The following FOXA3 variants were observed in gnomAD, a reference collection of about 807,000 sequenced individuals.
FOXA3 encodes the protein forkhead box A3.
FOXA3 carries 11 observed loss-of-function variants against 16.9 expected under a neutral mutation model. The observed-to-expected ratio is 0.65, with a 90% confidence interval of 0.41 to 1.08. The LOEUF (loss-of-function observed/expected upper bound fraction) is 1.08. Ranked by LOEUF, FOXA3 falls within the 50% of genes least tolerant of loss-of-function variation. The pLI, the probability that FOXA3 is intolerant of heterozygous loss-of-function variation, is 0.00. For missense variants in FOXA3, 423 were observed against 470.1 expected, an observed-to-expected ratio of 0.90 and a Z score of 0.93; for synonymous variants, 217 against 203.3, an observed-to-expected ratio of 1.07 and a Z score of -0.57.
chr19:45,864,593 A>G, intron 1 of FOXA3, 68 bp downstream of exon 1: 1 of 1,315,844 alleles, frequency 7.6e-7, no homozygotes, highest in Non-Finnish European at 1.0e-6. Context: ...CACATGGAGC[A>G]GGGACTGGTT....
At chr19:45,866,177 C>T (rs1322623269) in intron 1 of FOXA3, among the ~76,000 whole-genome samples, 3 of 151,910 alleles carry the variant, frequency 2.0e-5, no homozygotes, top group Non-Finnish European at 2.9e-5. Flanking sequence ...TTTGGGAGGT[C>T]GAAGTGGGAG....
In FOXA3 at chr19:45,873,622, G is replaced by A. The variant is rs1170727855; in HGVS notation, c.*564G>A. On this transcript the variant is annotated 3_prime_UTR_variant, in exon 2 of 2. Coordinates refer to ENST00000302177, the MANE Select transcript of FOXA3 (RefSeq NM_004497.3). ...TCTGGCATGGGTTGGGTAGGGGATG[G>A]AGGTGAGAATACTCCTTGGTTTTCT... is the stretch of plus-strand genomic sequence containing the variant. 1 of 158,132 alleles carries A rather than the reference G, an allele frequency of 6.3e-6. No individual in the cohort carries two copies. The allele number at this position is 158,132 out of a possible 1,614,324, so 9.8% of individuals were successfully genotyped here. A position where few individuals can be genotyped will look rare whatever the true frequency, so the allele number is the denominator to read the frequency against.
chr19:45,871,896 C>T (rs1220175615), intron 1 of FOXA3, among the ~76,000 whole-genome samples, 179 bp from the exon 2 acceptor site: 1 of 151,956 alleles, frequency 6.6e-6, no homozygotes, highest in Non-Finnish European at 1.5e-5. Flanking sequence ...GCAGAAAGGG[C>T]GTGTCCAGGG....
chr19:45,871,744 AT>A (rs1379363745), intron 1 of FOXA3, among the ~76,000 whole-genome samples: 2 of 151,258 alleles, frequency 1.3e-5, no homozygotes, highest in Non-Finnish European at 3.0e-5. Context: ...GAAAAAAAAA[AT>A]AGCATTATTT....
chr19:45,870,361 G>A (rs1966893917), intron 1 of FOXA3, among the ~76,000 whole-genome samples: 1 of 150,788 alleles, frequency 6.6e-6, no homozygotes, highest in Non-Finnish European at 1.5e-5. Flanking sequence ...TTTTAGTAGA[G>A]ACAGGGTTTC....
At position 45,872,180 on chromosome 19, in the gene FOXA3, C is replaced by G. The variant is rs1966913191; in HGVS notation, c.175C>G (p.Pro59Ala). ...PYPPGGLPAS[P>A]LPSGPLAPPA... ...TCCCCCTGGGGGGCTCCCTGCCTCCCCACTGCCCTCAGGACCCCTGGCACC... is the reference window on the plus strand; with the variant it reads ...TCCCCCTGGGGGGCTCCCTGCCTCCGCACTGCCCTCAGGACCCCTGGCACC... Residue 59 changes from proline (P) to alanine (A), a missense_variant, in exon 2 of 2, where the codon CCA becomes GCA. Physicochemically the swap from Pro to Ala is conservative, Grantham distance 27 (BLOSUM62 -1). Coordinates refer to ENST00000302177, the MANE Select transcript of FOXA3 (RefSeq NM_004497.3). The surrounding 1 kb of genome is among the most constrained non-coding windows in gnomAD (Gnocchi z 4.5). The G allele has an allele frequency of 1.3e-6, 2 of 1,592,074 alleles. No homozygotes were observed. Among genetic ancestry groups the G allele is most frequent in the African/African-American group, 2.7e-5 (2 of 74,368 alleles).
chr19:45,871,560 A>G (rs1431118277), intron 1 of FOXA3, among the ~76,000 whole-genome samples: 1 of 139,998 alleles, frequency 7.1e-6, no homozygotes, highest in Non-Finnish European at 1.5e-5. Context: ...CCCTGTCTCT[A>G]CTAAAAATAC....
chr19:45,871,964 T>C (rs1164842842), intron 1 of FOXA3, 111 bp from the exon 2 acceptor site: 18 of 1,098,618 alleles, frequency 1.6e-5, no homozygotes, highest in Non-Finnish European at 2.3e-5. Context: ...ATGGAAGGGA[T>C]TTGTAGAGAA....
intron 1 of FOXA3, among the ~76,000 whole-genome samples, chr19:45,869,831 G>A (rs1972117327): frequency 6.6e-6 from 1 of 151,304 alleles, no homozygotes; most frequent in Admixed American, 6.6e-5. Context: ...TGTCGCCCAG[G>A]CTGGAGGGCA....
chr19:45,872,018 C>T lies in FOXA3; in HGVS notation c.70-57C>T. ...ACGGACACTCAGTGGGTCCTGGGAT[C>T]CTTTGCTGACCAGCAGAGTGGAGCC... On this transcript the variant is annotated intron_variant, in intron 1 of 1. Transcript: ENST00000302177. This position sits in a 1 kb window ranked among gnomAD's most constrained non-coding sequence, Gnocchi z 4.5. 1.3e-6 allele frequency: 2 copies of T among 1,559,290 alleles called. No individual in the cohort carries two copies. Among genetic ancestry groups the T allele is most frequent in the Non-Finnish European group, 1.8e-6 (2 of 1,139,118 alleles).
Position 45,873,353 on chromosome 19 carries a change from G to A in FOXA3, c.*295G>A. ...GGCCACCATCTCGGTTGGCCCTTTG[G>A]GTGTGATGGTGATAGCATTTCAGTG... On this transcript the variant is annotated 3_prime_UTR_variant, in exon 2 of 2. Transcript: ENST00000302177. The A allele has an allele frequency of 2.2e-6, 1 of 462,122 alleles. No individual in the cohort carries two copies. 28.6% of individuals were successfully genotyped at this position (462,122 alleles called of 1,614,324 possible).
rs1034582918 is a variant in FOXA3, at chr19:45,873,393, C to T, written c.*335C>T. 4 of 366,192 alleles carry T rather than the reference C, an allele frequency of 1.1e-5. No individual in the cohort carries two copies. The highest frequency in any genetic ancestry group is 8.3e-5 in the Admixed American group (2 of 24,236). 22.7% of individuals were successfully genotyped at this position (366,192 alleles called of 1,614,324 possible). ...GCATTTCAGTGACATCTTCTTTGGCCCCCCCCATTAGGTGCTGTGCCCACT... is the reference window on the plus strand; with the variant it reads ...GCATTTCAGTGACATCTTCTTTGGCTCCCCCCATTAGGTGCTGTGCCCACT... On this transcript the variant is annotated 3_prime_UTR_variant, in exon 2 of 2. Coordinates refer to ENST00000302177, the MANE Select transcript of FOXA3 (RefSeq NM_004497.3).
At position 45,872,599 on chromosome 19, in the gene FOXA3, G is replaced by A. The variant is rs746391666; in HGVS notation, c.594G>A (p.Gly198=). 2.5e-6 allele frequency: 4 copies of A among 1,614,186 alleles called. No homozygotes were observed. The highest frequency in any genetic ancestry group is 2.2e-5 in the East Asian group (1 of 44,888). Residue 198 remains glycine (G), a synonymous_variant, in exon 2 of 2, where the codon GGG becomes GGA. Coordinates refer to ENST00000302177, the MANE Select transcript of FOXA3 (RefSeq NM_004497.3). The surrounding 1 kb of genome is among the most constrained non-coding windows in gnomAD (Gnocchi z 4.5). ...ACTGGGCCCTACACCCCAGCTCAGGGAACATGTTTGAGAATGGCTGCTACC... is the reference window on the plus strand; with the variant it reads ...ACTGGGCCCTACACCCCAGCTCAGGAAACATGTTTGAGAATGGCTGCTACC... ...GSYWALHPSS[G]NMFENGCYLR... is the part of the protein sequence containing the mutation.
chr19:45,867,564 G>T (rs1972095498), intron 1 of FOXA3, among the ~76,000 whole-genome samples: 1 of 151,978 alleles, frequency 6.6e-6, no homozygotes, highest in Non-Finnish European at 1.5e-5. Context: ...TGGATCACTT[G>T]AGGTCAGGAG....
chr19:45,865,187 G>A (rs1009301985), intron 1 of FOXA3, among the ~76,000 whole-genome samples: 2 of 151,982 alleles, frequency 1.3e-5, no homozygotes, highest in Non-Finnish European at 1.5e-5. Context: ...ATTGGCAGGA[G>A]AGGGGCCGAT....
rs764381945 is a variant in FOXA3, at chr19:45,872,929, C to T, written c.924C>T (p.Asn308=). ...YNFNHPFSIN[N]LMSEQTPAPP... Reference sequence around the variant, plus strand: ...TCAACCACCCTTTCTCCATCAACAACCTAATGTCAGAACAGACACCAGCAC... The same window carrying T: ...TCAACCACCCTTTCTCCATCAACAATCTAATGTCAGAACAGACACCAGCAC... Residue 308 remains asparagine (N), a synonymous_variant, in exon 2 of 2, where the codon AAC becomes AAT. Coordinates refer to ENST00000302177, the MANE Select transcript of FOXA3 (RefSeq NM_004497.3). This position sits in a 1 kb window ranked among gnomAD's most constrained non-coding sequence, Gnocchi z 4.5. The T allele has an allele frequency of 1.2e-6, 2 of 1,614,062 alleles. No homozygotes were observed. The highest frequency in any genetic ancestry group is 1.7e-5 in the Admixed American group (1 of 60,008).
Position 45,872,313 on chromosome 19 carries a change from A to T in FOXA3, c.308A>T (p.Lys103Met). 6.2e-7 allele frequency: 1 copy of T among 1,614,100 alleles called. No homozygotes were observed. Among genetic ancestry groups the T allele is most frequent in the Non-Finnish European group, 8.5e-7 (1 of 1,179,968 alleles). Residue 103 changes from lysine to methionine, a missense_variant, in exon 2 of 2, where the codon AAG becomes ATG. Lys to Met is a moderately conservative substitution (Grantham distance 95). This residue lies in a region of FOXA3 where 170 missense variants were observed against 153.9 expected (regional missense o/e 1.10). Transcript: ENST00000302177. The surrounding 1 kb of genome is among the most constrained non-coding windows in gnomAD (Gnocchi z 4.5). ...GAPGPGLVHG[K>M]EMPKGYRRPL... ...CCGGGTCCTGGGCTGGTGCACGGGAAGGAGATGCCGAAGGGGTATCGGCGG... is the reference window on the plus strand; with the variant it reads ...CCGGGTCCTGGGCTGGTGCACGGGATGGAGATGCCGAAGGGGTATCGGCGG...
chr19:45,873,381 A>C lies in FOXA3; in HGVS notation c.*323A>C. The C allele has an allele frequency of 2.6e-6, 1 of 384,566 alleles. No homozygotes were observed. Among genetic ancestry groups the C allele is most frequent in the South Asian group, 2.9e-5 (1 of 34,260 alleles). 23.8% of individuals were successfully genotyped at this position (384,566 alleles called of 1,614,324 possible). A position where few individuals can be genotyped will look rare whatever the true frequency, so the allele number is the denominator to read the frequency against. On this transcript the variant is annotated 3_prime_UTR_variant, in exon 2 of 2. Transcript: ENST00000302177. Reference sequence around the variant, plus strand: ...GTGATGGTGATAGCATTTCAGTGACATCTTCTTTGGCCCCCCCCATTAGGT... The same window carrying C: ...GTGATGGTGATAGCATTTCAGTGACCTCTTCTTTGGCCCCCCCCATTAGGT...
chr19:45,865,843 T>A (rs1007419933), intron 1 of FOXA3, among the ~76,000 whole-genome samples: 1 of 151,980 alleles, frequency 6.6e-6, no homozygotes, highest in Non-Finnish European at 1.5e-5. Flanking sequence ...GCAGGGTGGC[T>A]GGAGGTATCA....
Sources: gnomAD v4.1 joint callset for allele counts (sites outside exome capture counted in the v4.1 genomes callset) on GRCh38, gnomAD v4.1.1 for gene constraint, gnomAD v4.1.1 regional missense constraint, Gnocchi (gnomAD v3.1) non-coding constraint, MANE v1.5 for transcripts, NCBI Gene and HGNC (gene_info 2026-07-23, HGNC 2026-07-21) for gene names.